Variants in FAM110B observed in about 807,000 individuals in gnomAD.
The protein encoded by FAM110B is family with sequence similarity 110 member B, also known as protein FAM110B.
In FAM110B, 6 loss-of-function variants were observed where a neutral mutation model predicts 20.4. The observed-to-expected ratio is 0.29, with a 90% confidence interval of 0.16 to 0.58. FAM110B has a LOEUF of 0.58. Ranked by LOEUF, FAM110B falls within the 20% of genes least tolerant of loss-of-function variation. FAM110B has a pLI of 0.90. For missense variants in FAM110B, 434 were observed against 498.2 expected, an observed-to-expected ratio of 0.87 and a Z score of 1.23; for synonymous variants, 226 against 214.1, an observed-to-expected ratio of 1.06 and a Z score of -0.49.
chr8:58,091,064 C>T (rs1180346463), intron 3 of FAM110B, among the ~76,000 whole-genome samples: 1 of 152,170 alleles, frequency 6.6e-6, no homozygotes, highest in South Asian at 2.1e-4. Flanking sequence ...CCTTTGCTCT[C>T]CTAACCAAGG....
chr8:58,018,652 A>C (rs970927691), intron 1 of FAM110B, among the ~76,000 whole-genome samples: 1 of 152,010 alleles, frequency 6.6e-6, no homozygotes, highest in African/African-American at 2.4e-5. Context: ...TTTTAAGTCT[A>C]TTACCCTATT....
rs1803902794 is a variant in FAM110B at position 58,147,851 on chromosome 8, G to C, written c.*508G>C. 5.8e-6 allele frequency: 1 copy of C among 172,166 alleles called. No individual in the cohort carries two copies. The highest frequency in any genetic ancestry group is 1.9e-4 in the South Asian group (1 of 5,280). The allele number at this position is 172,166 out of a possible 1,614,324, so 10.7% of individuals were successfully genotyped here. On this transcript the variant is annotated 3_prime_UTR_variant, in exon 4 of 4. Coordinates refer to ENST00000519262, the MANE Select transcript of FAM110B (RefSeq NM_001377989.1). ...GGCTGGGTTTTCTGTGGAATAAAGT[G>C]GTGAGCCTGACGTTAATCGTTTACA... is the stretch of plus-strand genomic sequence containing the variant.
chr8:58,091,161 G>GT (rs1379814825), intron 3 of FAM110B, among the ~76,000 whole-genome samples: 4 of 152,196 alleles, frequency 2.6e-5, no homozygotes, highest in African/African-American at 4.8e-5. Context: ...GGTGAACATG[G>GT]TAAGACAAGA....
At chr8:58,007,967 A>G (rs1804446554) in intron 1 of FAM110B, among the ~76,000 whole-genome samples, 2 of 152,160 alleles carry the variant, frequency 1.3e-5, no homozygotes, top group South Asian at 2.1e-4. Flanking sequence ...CCTGTAAGAT[A>G]TATTTTTTCT....
intron 1 of FAM110B, among the ~76,000 whole-genome samples, chr8:58,015,377 T>C (rs1446099522): frequency 6.6e-6 from 1 of 151,390 alleles, no homozygotes; most frequent in African/African-American, 2.4e-5. Flanking sequence ...GACATTAAAT[T>C]TACACTCTCA....
At chr8:58,006,882 A>G (rs1476840080) in intron 1 of FAM110B, among the ~76,000 whole-genome samples, 5 of 104,062 alleles carry the variant, frequency 4.8e-5, no homozygotes, top group Non-Finnish European at 1.1e-4. Flanking sequence ...GGCCTGAGCC[A>G]CTGGGCCTGG....
At chr8:58,135,285 A>T (rs1225020276) in intron 3 of FAM110B, among the ~76,000 whole-genome samples, 1 of 152,214 alleles carries the variant, frequency 6.6e-6, no homozygotes. Context: ...AGTTCTGGGG[A>T]CAACATATGT....
At chr8:58,057,892 T>A (rs1045648043) in intron 2 of FAM110B, among the ~76,000 whole-genome samples, 14 of 152,268 alleles carry the variant, frequency 9.2e-5, no homozygotes, top group African/African-American at 3.4e-4. Flanking sequence ...ATGATTCACC[T>A]GGTGCTTGTG....
chr8:58,019,958 C>T (rs992431026), intron 1 of FAM110B, among the ~76,000 whole-genome samples: 3 of 151,596 alleles, frequency 2.0e-5, no homozygotes, highest in Non-Finnish European at 2.9e-5. Context: ...TCTAATTGCC[C>T]GTATATTTTA....
intron 3 of FAM110B, among the ~76,000 whole-genome samples, chr8:58,103,002 GAAAAA>G (rs60027491): frequency 1.0e-5 from 1 of 99,302 alleles, no homozygotes; most frequent in Non-Finnish European, 2.1e-5. Context: ...TGCTTGTTAT[GAAAAA>G]AAAAAAAAAA....
At chr8:58,082,092 G>C (rs1473231583) in intron 3 of FAM110B, among the ~76,000 whole-genome samples, 3 of 152,210 alleles carry the variant, frequency 2.0e-5, no homozygotes, top group African/African-American at 7.2e-5. Context: ...ACATGGGCTA[G>C]GGTTGAAATC....
chr8:58,038,401 C>T (rs902147582), intron 2 of FAM110B, among the ~76,000 whole-genome samples: 7 of 152,180 alleles, frequency 4.6e-5, no homozygotes, highest in Non-Finnish European at 8.8e-5. Context: ...GAGATCATTT[C>T]ACAATTGCCT....
Position 58,112,588 on chromosome 8 carries a change from G to A in FAM110B, c.-324-33319G>A, listed in dbSNP as rs1022877719. 7.9e-5 allele frequency among the ~76,000 whole-genome samples: 12 copies of A among 152,324 alleles called. No individual in the cohort carries two copies. The Middle Eastern group carries it at 0.014, about 173-fold the overall frequency. ...TTCCACAGTGCAAGATGGTGCTGAG[G>A]GTCCACTGGGCCACGCCCCTGGGCT... On this transcript the variant is annotated intron_variant, in intron 3 of 3. Coordinates refer to ENST00000519262, the MANE Select transcript of FAM110B (RefSeq NM_001377989.1).
At chr8:58,005,250 G>T (rs563210516) in intron 1 of FAM110B, among the ~76,000 whole-genome samples, 1 of 152,302 alleles carries the variant, frequency 6.6e-6, no homozygotes, top group East Asian at 1.9e-4. Context: ...GATTGGGGCA[G>T]GGGCGGGGAG....
intron 3 of FAM110B, among the ~76,000 whole-genome samples, chr8:58,142,534 T>G (rs897632148): frequency 3.3e-5 from 5 of 151,956 alleles, no homozygotes; most frequent in Admixed American, 3.3e-4. Flanking sequence ...CCCCCACAGA[T>G]GATGTGCTCC....
intron 2 of FAM110B, among the ~76,000 whole-genome samples, chr8:58,048,240 G>A (rs955403244): frequency 1.3e-5 from 2 of 152,210 alleles, no homozygotes; most frequent in South Asian, 4.1e-4. Flanking sequence ...GATAAAAATA[G>A]CATTGAAAGG....
intron 2 of FAM110B, among the ~76,000 whole-genome samples, chr8:58,035,956 A>T (rs558621043): frequency 2.1e-4 from 32 of 152,152 alleles, no homozygotes; most frequent in African/African-American, 6.3e-4. Flanking sequence ...GCAAGGTCCC[A>T]TGTGTTCTTG....
chr8:58,122,027 G>A (rs1807374878), intron 3 of FAM110B, among the ~76,000 whole-genome samples: 1 of 152,174 alleles, frequency 6.6e-6, no homozygotes, highest in South Asian at 2.1e-4. Context: ...CCTAAGTAAA[G>A]GGGCCTGGAA....
chr8:58,100,240 C>T (rs1806744374), intron 3 of FAM110B, among the ~76,000 whole-genome samples: 1 of 143,904 alleles, frequency 6.9e-6, no homozygotes, highest in Admixed American at 6.8e-5. Flanking sequence ...TCTGGTGCTT[C>T]CTTTAGATTT....
Sources: allele counts gnomAD v4.1 joint callset (sites outside exome capture counted in the v4.1 genomes callset), GRCh38; gene constraint gnomAD v4.1.1; transcripts MANE v1.5; gene names NCBI Gene and HGNC (gene_info 2026-07-23, HGNC 2026-07-21).